The following CTNND2 variants were observed in gnomAD, a reference collection of about 807,000 sequenced individuals.
CTNND2 encodes catenin delta-2.
Under a neutral mutation model 144.4 loss-of-function variants are expected in CTNND2, and 22 were observed. The ratio of observed to expected loss-of-function variants is 0.15; its 90% CI spans 0.11 to 0.22. The LOEUF is 0.22. Among genes scored for constraint, CTNND2 ranks in the 10% least tolerant of loss-of-function variants. The probability of loss-of-function intolerance (pLI) is 1.00; values close to 1 mark genes in which losing one functional copy is unlikely to be tolerated. For missense variants in CTNND2, 1,353 were observed against 1,618.8 expected (o/e 0.84, Z 2.82); for synonymous variants, 751 against 695.6 (o/e 1.08, Z -1.25).
intron 9 of CTNND2, among the ~76,000 whole-genome samples, chr5:11,256,718 A>C (rs962883415): frequency 2.0e-5 from 3 of 152,178 alleles, no homozygotes; most frequent in African/African-American, 7.2e-5. Context: ...ACGGGATACC[A>C]ATGAGGCATA....
chr5:11,031,477 A>C (rs1743468640), intron 16 of CTNND2, among the ~76,000 whole-genome samples: 1 of 152,290 alleles, frequency 6.6e-6, no homozygotes, highest in East Asian at 1.9e-4. Context: ...GCCTTCTGAA[A>C]TTTTTAAGTC....
chr5:11,848,452 T>C (rs1794851043), intron 1 of CTNND2, among the ~76,000 whole-genome samples: 1 of 152,190 alleles, frequency 6.6e-6, no homozygotes, highest in Admixed American at 6.5e-5. Flanking sequence ...TGTTGTAGCA[T>C]GGGAAAATTA....
intron 2 of CTNND2, among the ~76,000 whole-genome samples, chr5:11,599,284 C>T (rs1779666140): frequency 6.6e-6 from 1 of 151,990 alleles, no homozygotes; most frequent in Non-Finnish European, 1.5e-5. Context: ...GATAACATAG[C>T]AATATTTCCT....
At chr5:11,785,414 T>C (rs1209668285) in intron 1 of CTNND2, among the ~76,000 whole-genome samples, 1 of 152,188 alleles carries the variant, frequency 6.6e-6, no homozygotes, top group Non-Finnish European at 1.5e-5. Context: ...AAAAACACTT[T>C]TCAGTAACTT....
chr5:10,985,036 T>C (rs1737762885), intron 20 of CTNND2, among the ~76,000 whole-genome samples: 1 of 152,042 alleles, frequency 6.6e-6, no homozygotes, highest in African/African-American at 2.4e-5. Context: ...ATTGCGCCAC[T>C]GCACTCCAGC....
At chr5:11,737,175 C>A (rs1013853670) in intron 1 of CTNND2, among the ~76,000 whole-genome samples, 1 of 152,064 alleles carries the variant, frequency 6.6e-6, no homozygotes, top group African/African-American at 2.4e-5. Context: ...CCAGCCTACT[C>A]GCCCACTGGA....
At chr5:11,815,896 G>T (rs1177153949) in intron 1 of CTNND2, among the ~76,000 whole-genome samples, 3 of 152,072 alleles carry the variant, frequency 2.0e-5, no homozygotes, top group African/African-American at 7.2e-5. Context: ...CAGAGAAAAG[G>T]CTCCTCCTCA....
intron 2 of CTNND2, among the ~76,000 whole-genome samples, chr5:11,671,748 G>C (rs997700014): frequency 2.6e-5 from 4 of 151,948 alleles, no homozygotes; most frequent in Non-Finnish European, 5.9e-5. Flanking sequence ...GGAGGAGTTT[G>C]TTATTACCCA....
intron 16 of CTNND2, among the ~76,000 whole-genome samples, chr5:11,033,744 C>T (rs1029152536): frequency 2.6e-5 from 4 of 152,064 alleles, no homozygotes; most frequent in Non-Finnish European, 4.4e-5. Flanking sequence ...GCAGGAGAAT[C>T]GCTTGAACCT....
At chr5:11,695,932 AAC>A (rs981698449) in intron 2 of CTNND2, among the ~76,000 whole-genome samples, 2 of 152,248 alleles carry the variant, frequency 1.3e-5, no homozygotes, top group African/African-American at 4.8e-5. Context: ...AGTCTTCAAA[AAC>A]AGTAGTTCAC....
At chr5:11,274,323 T>G (rs1392964482) in intron 9 of CTNND2, among the ~76,000 whole-genome samples, 1 of 152,232 alleles carries the variant, frequency 6.6e-6, no homozygotes, top group Non-Finnish European at 1.5e-5. Flanking sequence ...CTATGACTGC[T>G]TTGGGTGCTG....
rs186716449 is a variant in CTNND2 at position 11,666,015 on chromosome 5, T to A, written c.174+66121A>T. On this transcript the variant is annotated intron_variant, in intron 2 of 21. Transcript: ENST00000304623. ...GATCTAAGCATGTACTAGATTTGCA[T>A]GCAGTGACCATATGATTATTAAATT... Among the ~76,000 whole-genome samples, 183 of 152,320 alleles carry A rather than the reference T, an allele frequency of 1.2e-3. 1 individual carries two copies. Among genetic ancestry groups the A allele is most frequent in the Admixed American group, 1.6e-3 (24 of 15,278 alleles).
intron 1 of CTNND2, among the ~76,000 whole-genome samples, chr5:11,851,956 C>T (rs1795035801): frequency 6.6e-6 from 1 of 152,186 alleles, no homozygotes; most frequent in African/African-American, 2.4e-5. Context: ...TCATGGTATA[C>T]ATTCTCCTCC....
intron 5 of CTNND2, among the ~76,000 whole-genome samples, chr5:11,409,090 T>TC (rs1221826277): frequency 2.0e-5 from 3 of 152,060 alleles, no homozygotes; most frequent in South Asian, 2.1e-4. Context: ...ATGTGTTTTT[T>TC]CCCCCATACT....
intron 9 of CTNND2, among the ~76,000 whole-genome samples, chr5:11,337,354 C>T (rs1753830952): frequency 6.6e-6 from 1 of 152,128 alleles, no homozygotes; most frequent in African/African-American, 2.4e-5. Context: ...ATTCACTCTC[C>T]TTTTGTGCTC....
chr5:11,589,663 C>A (rs2150141358), intron 2 of CTNND2, among the ~76,000 whole-genome samples: 1 of 152,252 alleles, frequency 6.6e-6, no homozygotes, highest in South Asian at 2.1e-4. Context: ...GTACCTCAAA[C>A]AACTCCTTTG....
At chr5:11,053,667 T>C (rs909519556) in intron 16 of CTNND2, among the ~76,000 whole-genome samples, 4 of 152,352 alleles carry the variant, frequency 2.6e-5, no homozygotes, top group Admixed American at 2.6e-4. Context: ...TGAATTTGTT[T>C]AAGGCAAGCT....
intron 2 of CTNND2, among the ~76,000 whole-genome samples, chr5:11,634,611 AG>A (rs774092992): frequency 1.4e-4 from 21 of 152,302 alleles, no homozygotes; most frequent in Non-Finnish European, 2.8e-4. Flanking sequence ...AGATCAGGAA[AG>A]TTGAATATTT....
chr5:11,367,248 G>A (rs2149775919), intron 7 of CTNND2, among the ~76,000 whole-genome samples: 1 of 152,242 alleles, frequency 6.6e-6, no homozygotes, highest in Non-Finnish European at 1.5e-5. Flanking sequence ...GATTGCTCAA[G>A]GGTGGGCACA....
Sources: allele counts gnomAD v4.1 joint callset (sites outside exome capture counted in the v4.1 genomes callset), GRCh38; gene constraint gnomAD v4.1.1; transcripts MANE v1.5; gene names NCBI Gene and HGNC (gene_info 2026-07-23, HGNC 2026-07-21).